Variants in FKTN observed in about 807,000 individuals in gnomAD.
The protein encoded by FKTN is fukutin.
Under a neutral mutation model 58.6 loss-of-function variants are expected in FKTN, and 47 were observed. The ratio of observed to expected loss-of-function variants is 0.80; its 90% CI spans 0.63 to 1.02. The LOEUF is 1.02. FKTN is among the 50% of genes least tolerant of loss of function. The pLI is 0.00. For missense variants in FKTN, 516 were observed against 537.3 expected (o/e 0.96, Z 0.39); for synonymous variants, 178 against 191.9 (o/e 0.93, Z 0.60).
At position 105,595,882 on chromosome 9, in the gene FKTN, G is replaced by A. The variant is rs925517805; in HGVS notation, c.106-716G>A. Among the ~76,000 whole-genome samples the A allele has an allele frequency of 2.6e-5, 4 of 152,096 alleles. 1 individual carries two copies. The South Asian group carries it at 8.3e-4, about 32-fold the overall frequency. On this transcript the variant is annotated intron_variant, in intron 3 of 10. Coordinates refer to ENST00000357998, the MANE Select transcript of FKTN (RefSeq NM_001079802.2). Reference sequence around the variant, plus strand: ...ACTCAAGGCATAAGAAACTTATTTGGATCTTCATTACGCTTGAAACATTCT... The same window carrying A: ...ACTCAAGGCATAAGAAACTTATTTGAATCTTCATTACGCTTGAAACATTCT...
intron 3 of FKTN, among the ~76,000 whole-genome samples, chr9:105,591,748 A>G (rs563149224): frequency 1.3e-5 from 2 of 152,278 alleles, no homozygotes; most frequent in Admixed American, 6.5e-5. Context: ...TGGGAGCTTC[A>G]ACCCTGCATT....
At chr9:105,608,191 ATAACTT>A (rs1029199031) in intron 7 of FKTN, among the ~76,000 whole-genome samples, 1 of 152,138 alleles carries the variant, frequency 6.6e-6, no homozygotes, top group African/African-American at 2.4e-5. Flanking sequence ...TTTTATTTGA[ATAACTT>A]TAATAGATTT....
chr9:105,606,689 A>G (rs1474665670), intron 6 of FKTN, among the ~76,000 whole-genome samples: 1 of 98,094 alleles, frequency 1.0e-5, no homozygotes, highest in Non-Finnish European at 1.9e-5. Flanking sequence ...AAATATATAT[A>G]TATATTATAT....
chr9:105,639,065 T>A lies in FKTN; in HGVS notation c.*3801T>A, dbSNP rs985611649. 7 of 985,242 alleles carry A rather than the reference T, an allele frequency of 7.1e-6. No individual in the cohort carries two copies. In the Admixed American group the frequency reaches 4.3e-4, roughly 61 times the overall value. 61.0% of individuals were successfully genotyped at this position (985,242 alleles called of 1,614,324 possible). On this transcript the variant is annotated 3_prime_UTR_variant, in exon 11 of 11. Transcript: ENST00000357998. ...ACTTTCTGGAAAGTGAACAGTTTTT[T>A]AAATCCTAAATGTTATAAATCCTTA...
chr9:105,564,335 C>A (rs36101244), intron 1 of FKTN, among the ~76,000 whole-genome samples: 2 of 152,054 alleles, frequency 1.3e-5, no homozygotes, highest in Non-Finnish European at 2.9e-5. Flanking sequence ...AGGCTTCAGA[C>A]GATCAAACTT....
intron 1 of FKTN, among the ~76,000 whole-genome samples, chr9:105,564,458 C>A (rs1402857382): frequency 6.6e-6 from 1 of 152,144 alleles, no homozygotes; most frequent in Non-Finnish European, 1.5e-5. Context: ...CTTAAAGGAC[C>A]TGATGGAGCT....
intron 7 of FKTN, among the ~76,000 whole-genome samples, chr9:105,609,424 T>C (rs1250921922): frequency 2.6e-5 from 4 of 152,260 alleles, no homozygotes; most frequent in African/African-American, 7.2e-5. Context: ...AATAGGAACA[T>C]TCTCTACATG....
intron 3 of FKTN, among the ~76,000 whole-genome samples, chr9:105,584,367 A>G (rs1338407582): frequency 6.6e-6 from 1 of 152,120 alleles, no homozygotes; most frequent in African/African-American, 2.4e-5. Flanking sequence ...ATCTTTGAAC[A>G]GAAGTGGTAT....
At chr9:105,622,084 G>A (rs1272313378) in intron 10 of FKTN, among the ~76,000 whole-genome samples, 2 of 152,010 alleles carry the variant, frequency 1.3e-5, no homozygotes, top group Non-Finnish European at 2.9e-5. Context: ...TGCACTATCT[G>A]TAAAGAGAGG....
At chr9:105,629,184 A>G (rs4742957) in intron 10 of FKTN, among the ~76,000 whole-genome samples, 4,281 of 152,292 alleles carry the variant, frequency 0.028, 82 homozygotes, top group Non-Finnish European at 0.049. Context: ...CAACATAGGG[A>G]GACCCCATGT....
chr9:105,639,188 T>G lies in FKTN; in HGVS notation c.*3924T>G. 1.0e-6 allele frequency: 1 copy of G among 985,288 alleles called. No individual in the cohort carries two copies. The highest frequency in any genetic ancestry group is 1.2e-6 in the Non-Finnish European group (1 of 829,830). 61.0% of individuals were successfully genotyped at this position (985,288 alleles called of 1,614,324 possible). Reference sequence around the variant, plus strand: ...TAATAGCTTTAATGCATGGAAAAACTTCAGTTACTGACCAGTCAAGAGAAT... The same window carrying G: ...TAATAGCTTTAATGCATGGAAAAACGTCAGTTACTGACCAGTCAAGAGAAT... On this transcript the variant is annotated 3_prime_UTR_variant, in exon 11 of 11. Transcript: ENST00000357998.
At position 105,576,132 on chromosome 9, in the gene FKTN, A is replaced by G. The variant is rs117136434; in HGVS notation, c.105+995A>G. 7.4e-3 allele frequency among the ~76,000 whole-genome samples: 1,113 copies of G among 150,648 alleles called. 35 individuals carry two copies. The East Asian group carries it at 0.078, about 11-fold the overall frequency. On this transcript the variant is annotated intron_variant, in intron 3 of 10. Coordinates refer to ENST00000357998, the MANE Select transcript of FKTN (RefSeq NM_001079802.2). ...TAGACCTAATTTTGACAGATAAGAA[A>G]ACTGAAACTTTTCTTTTTTTTTTTT... is the stretch of plus-strand genomic sequence containing the variant.
chr9:105,608,571 A>G (rs1254897337), intron 7 of FKTN, among the ~76,000 whole-genome samples: 1 of 152,214 alleles, frequency 6.6e-6, no homozygotes, highest in African/African-American at 2.4e-5. Flanking sequence ...TACAGTGAAA[A>G]CAGGCAAATT....
At chr9:105,584,434 A>G (rs903213749) in intron 3 of FKTN, among the ~76,000 whole-genome samples, 1 of 152,084 alleles carries the variant, frequency 6.6e-6, no homozygotes, top group Non-Finnish European at 1.5e-5. Context: ...TTCATTATTC[A>G]TACTAGATTC....
chr9:105,637,190 A>G lies in FKTN; in HGVS notation c.*1926A>G. The stretch of plus-strand genomic sequence containing the variant: ...TGATGAGGACCATTTGCTTGTGCTC[A>G]GTATTTAGAAATGCATACACTCCAC... On this transcript the variant is annotated 3_prime_UTR_variant, in exon 11 of 11. Transcript: ENST00000357998. 1.0e-6 allele frequency: 1 copy of G among 985,404 alleles called. No homozygotes were observed. The highest frequency in any genetic ancestry group is 1.2e-6 in the Non-Finnish European group (1 of 829,370). 61.0% of individuals were successfully genotyped at this position (985,404 alleles called of 1,614,324 possible).
intron 10 of FKTN, among the ~76,000 whole-genome samples, chr9:105,628,635 C>T (rs534380912): frequency 1.6e-4 from 25 of 152,268 alleles, no homozygotes; most frequent in South Asian, 1.4e-3. Context: ...AGCAGTCTTA[C>T]TCATACTAGC....
chr9:105,600,960 A>T, intron 4 of FKTN, 185 bp from the exon 5 acceptor site: 2 of 536,880 alleles, frequency 3.7e-6, no homozygotes, highest in South Asian at 4.6e-5. Context: ...TTCTTAGAAG[A>T]CTGCTTATTG....
At chr9:105,559,108 A>G (rs996315516) in intron 1 of FKTN, among the ~76,000 whole-genome samples, 8 of 152,208 alleles carry the variant, frequency 5.3e-5, no homozygotes, top group Non-Finnish European at 1.0e-4. Flanking sequence ...CGTTTCTAAA[A>G]AGTAAGTTTA....
intron 1 of FKTN, among the ~76,000 whole-genome samples, chr9:105,568,850 T>C (rs908987397): frequency 1.3e-5 from 2 of 152,202 alleles, no homozygotes; most frequent in African/African-American, 4.8e-5. Flanking sequence ...GTATGTTTAT[T>C]GTGGCACTAT....
Sources: allele counts gnomAD v4.1 joint callset (sites outside exome capture counted in the v4.1 genomes callset), GRCh38; gene constraint gnomAD v4.1.1; transcripts MANE v1.5; gene names NCBI Gene and HGNC (gene_info 2026-07-23, HGNC 2026-07-21).